ANKMY1: variants seen among roughly 807,000 people sequenced by gnomAD.
ANKMY1 encodes the protein ankyrin repeat and MYND domain-containing protein 1.
Under a neutral mutation model 102.0 loss-of-function variants are expected in ANKMY1, and 98 were observed. The observed-to-expected ratio is 0.96, with a 90% CI of 0.82 to 1.14. ANKMY1 has a LOEUF of 1.14. ANKMY1 is among the 50% of genes most tolerant of loss of function. The probability of loss-of-function intolerance (pLI) is 0.00; values close to 1 mark genes in which losing one functional copy is unlikely to be tolerated. For synonymous variants in ANKMY1, 582 were observed against 559.9 expected (o/e 1.04, Z -0.56); for missense variants, 1,330 against 1,347.6 (o/e 0.99, Z 0.20).
In ANKMY1 at chr2:240,529,460, G is replaced by C. The variant is rs767888866; in HGVS notation, c.530C>G (p.Pro177Arg). The C allele has an allele frequency of 6.2e-7, 1 of 1,614,056 alleles. No individual in the cohort carries two copies. Among genetic ancestry groups the C allele is most frequent in the South Asian group, 1.1e-5 (1 of 91,078 alleles). ...QRFGPGVETY[P>R]DGSQDVGLWF... ...CAGCCCCACGTCCTGGCTGCCATCG[G>C]GGTAGGTCTCGACACCTGGCCCAAA... is the stretch of plus-strand genomic sequence containing the variant. The change falls in exon 5 of 18, where the codon CCC becomes CGC. Residue 177 changes from proline (P) to arginine (R), a missense_variant. Physicochemically the swap from Pro to Arg is moderately radical, Grantham distance 103. Coordinates refer to ENST00000401804, the MANE Select transcript of ANKMY1 (RefSeq NM_001282771.3). The surrounding 1 kb of genome is among the most constrained non-coding windows in gnomAD (Gnocchi z 4.2).
At chr2:240,470,450 C>T in the ANKMY1 span, among the ~76,000 whole-genome samples, 1 of 152,216 alleles carries the variant, frequency 6.6e-6, no homozygotes, top group South Asian at 2.1e-4. Flanking sequence ...AGCAAGCTCT[C>T]CCCGTGTGCA....
At chr2:240,560,337 G>C (rs982426198), upstream of ANKMY1, 1 of 198,358 alleles carries the variant, frequency 5.0e-6, no homozygotes, top group Non-Finnish European at 1.0e-5. Flanking sequence ...AGAGCGGGCA[G>C]GGCGCTGCGC....
upstream of ANKMY1, chr2:240,559,916 T>C (rs147755860): frequency 4.6e-5 from 7 of 152,476 alleles, no homozygotes; most frequent in South Asian, 2.1e-4. Context: ...AGTGTATCCA[T>C]TGCCTGAAAA....
At chr2:240,514,037 G>A (rs570378583) in intron 9 of ANKMY1, among the ~76,000 whole-genome samples, 10 of 152,220 alleles carry the variant, frequency 6.6e-5, no homozygotes, top group Non-Finnish European at 1.5e-4. Flanking sequence ...GGCGCACGGG[G>A]CCGTGCATCT....
intron 15 of ANKMY1, among the ~76,000 whole-genome samples, chr2:240,491,940 G>C (rs1474174778): frequency 6.6e-6 from 1 of 151,844 alleles, no homozygotes; most frequent in Non-Finnish European, 1.5e-5. Flanking sequence ...TTATCTGACT[G>C]TCTATATCTC....
At chr2:240,560,588 G>A, upstream of ANKMY1, 1 of 1,325,592 alleles carries the variant, frequency 7.5e-7, no homozygotes, top group East Asian at 3.1e-5. Flanking sequence ...GGGGCGCCCG[G>A]CGGCCCGCCC....
intron 13 of ANKMY1, among the ~76,000 whole-genome samples, chr2:240,504,468 G>T (rs2078722721): frequency 6.6e-6 from 1 of 152,110 alleles, no homozygotes. Context: ...AAATAGACAA[G>T]CTGGACTTCA....
chr2:240,538,838 G>T (rs2087723789), intron 4 of ANKMY1, among the ~76,000 whole-genome samples: 1 of 152,234 alleles, frequency 6.6e-6, no homozygotes, highest in African/African-American at 2.4e-5. Flanking sequence ...GCACCAATCA[G>T]CACTCTGTGT....
intron 9 of ANKMY1, among the ~76,000 whole-genome samples, chr2:240,518,422 C>T (rs182447750): frequency 3.9e-5 from 6 of 152,252 alleles, no homozygotes; most frequent in Non-Finnish European, 8.8e-5. Flanking sequence ...GGTTATATTT[C>T]TTCCCTGCTA....
chr2:240,476,331 C>T (rs530792241), downstream of ANKMY1, among the ~76,000 whole-genome samples: 2 of 152,284 alleles, frequency 1.3e-5, no homozygotes, highest in Admixed American at 6.5e-5. Flanking sequence ...CACCATATAC[C>T]CTTATCTTAC....
chr2:240,510,886 C>T (rs1575052600), intron 11 of ANKMY1, among the ~76,000 whole-genome samples: 1 of 152,260 alleles, frequency 6.6e-6, no homozygotes, highest in Admixed American at 6.5e-5. Context: ...GAACAGAAAG[C>T]CCTGTGTTCA....
At chr2:240,483,842 C>G (rs2075732413) in intron 15 of ANKMY1, among the ~76,000 whole-genome samples, 1 of 152,198 alleles carries the variant, frequency 6.6e-6, no homozygotes, top group Non-Finnish European at 1.5e-5. Context: ...CCTAGCCCCC[C>G]ACCCACCAAC....
At chr2:240,542,927 GTAAT>G (rs200152232) in intron 4 of ANKMY1, among the ~76,000 whole-genome samples, 1,773 of 149,066 alleles carry the variant, frequency 0.012, 16 homozygotes, top group Non-Finnish European at 0.019. Context: ...TAAGTAATAA[GTAAT>G]TACTTATAAT....
chr2:240,553,946 A>C (rs1327677109), intron 3 of ANKMY1: 1 of 151,906 alleles, frequency 6.6e-6, no homozygotes, highest in Admixed American at 6.6e-5. Flanking sequence ...CAGCCAGGAG[A>C]CCTCATGCTG....
chr2:240,485,804 G>T (rs1488728641), intron 15 of ANKMY1, among the ~76,000 whole-genome samples: 1 of 152,048 alleles, frequency 6.6e-6, no homozygotes, highest in Non-Finnish European at 1.5e-5. Flanking sequence ...TGTTGCCCAG[G>T]TTGGTCTTAA....
chr2:240,473,963 G>A, the ANKMY1 span, among the ~76,000 whole-genome samples: 20 of 152,272 alleles, frequency 1.3e-4, no homozygotes, highest in Admixed American at 7.8e-4. Context: ...AACAAGACAA[G>A]GGTGCCCACT....
downstream of ANKMY1, among the ~76,000 whole-genome samples, chr2:240,475,163 T>TA (rs2074772326): frequency 6.6e-6 from 1 of 152,250 alleles, no homozygotes; most frequent in African/African-American, 2.4e-5. Context: ...TGCAGTTCTC[T>TA]AATGATCAGT....
At chr2:240,507,924 C>T in intron 12 of ANKMY1, 1 of 412,056 alleles carries the variant, frequency 2.4e-6, no homozygotes, top group Admixed American at 4.6e-5. Context: ...TAGGGAGGAG[C>T]TGGAACTCCA....
At chr2:240,543,336 G>C (rs2089486888) in intron 4 of ANKMY1, among the ~76,000 whole-genome samples, 2 of 149,936 alleles carry the variant, frequency 1.3e-5, no homozygotes, top group Admixed American at 6.6e-5. Flanking sequence ...CTGGGTGATA[G>C]AGCGAGACTC....
Sources: allele counts gnomAD v4.1 joint callset (sites outside exome capture counted in the v4.1 genomes callset), GRCh38; gene constraint gnomAD v4.1.1; non-coding constraint Gnocchi (gnomAD v3.1); transcripts MANE v1.5; gene names NCBI Gene and HGNC (gene_info 2026-07-23, HGNC 2026-07-21).